NME7: variants seen among roughly 807,000 people sequenced by gnomAD.
NME7 encodes nucleoside diphosphate kinase 7.
A neutral mutation model predicts 49.1 loss-of-function variants in NME7; 41 were observed. The observed-to-expected ratio is 0.83, with a 90% confidence interval of 0.65 to 1.08. The LOEUF is 1.08. Among genes scored for constraint, NME7 ranks in the 50% least tolerant of loss-of-function variants. The pLI is 0.00. For synonymous variants in NME7, 139 were observed against 150.6 expected, an observed-to-expected ratio of 0.92 and a Z score of 0.56; for missense variants, 423 against 463.4, an observed-to-expected ratio of 0.91 and a Z score of 0.80.
At chr1:169,309,180 T>C (rs1295310236) in intron 4 of NME7, among the ~76,000 whole-genome samples, 1 of 152,234 alleles carries the variant, frequency 6.6e-6, no homozygotes, top group African/African-American at 2.4e-5. Flanking sequence ...TATTTATGCA[T>C]CTGATTACTT....
chr1:169,270,897 G>A (rs896521756), intron 7 of NME7, among the ~76,000 whole-genome samples: 2 of 134,064 alleles, frequency 1.5e-5, no homozygotes, highest in African/African-American at 5.0e-5. Context: ...TGATTTCAGA[G>A]TAAAAGTAAT....
chr1:169,291,590 GTGTA>G (rs1049902045), intron 6 of NME7, among the ~76,000 whole-genome samples: 1 of 151,674 alleles, frequency 6.6e-6, no homozygotes, highest in Non-Finnish European at 1.5e-5. Flanking sequence ...ACCATGGCAC[GTGTA>G]TACCTACATA....
chr1:169,349,042 G>A (rs764430161), intron 1 of NME7, among the ~76,000 whole-genome samples: 3 of 152,064 alleles, frequency 2.0e-5, no homozygotes, highest in Non-Finnish European at 4.4e-5. Context: ...GTTTCCTTAT[G>A]TGAAAAGAAT....
intron 11 of NME7, among the ~76,000 whole-genome samples, chr1:169,167,462 TTTC>T (rs1659450354): frequency 6.6e-6 from 1 of 152,136 alleles, no homozygotes; most frequent in South Asian, 2.1e-4. Context: ...AAATTTATTA[TTTC>T]TTTTTAAATT....
At chr1:169,227,399 A>T (rs1400458409) in intron 10 of NME7, among the ~76,000 whole-genome samples, 1 of 152,172 alleles carries the variant, frequency 6.6e-6, no homozygotes, top group Non-Finnish European at 1.5e-5. Flanking sequence ...CATTTGTCAC[A>T]TATCTTAGTC....
At chr1:169,168,873 T>C (rs1262126325) in intron 11 of NME7, 3 of 456,362 alleles carry the variant, frequency 6.6e-6, no homozygotes, top group Admixed American at 4.7e-5. Flanking sequence ...TTTTTTCAAA[T>C]TGTCACAAAT....
chr1:169,193,079 G>A (rs2101766182), intron 10 of NME7, among the ~76,000 whole-genome samples: 1 of 152,176 alleles, frequency 6.6e-6, no homozygotes, highest in Middle Eastern at 3.4e-3. Flanking sequence ...TGGGAGCTGA[G>A]GCAGGAGGAT....
At position 169,165,046 on chromosome 1, in the gene NME7, C is replaced by T. The variant is rs1219547936; in HGVS notation, c.1098+4401G>A. 2.0e-5 allele frequency among the ~76,000 whole-genome samples: 3 copies of T among 152,198 alleles called. No homozygotes were observed. In the East Asian group the frequency reaches 5.8e-4, roughly 29 times the overall value. ...AATTTAAGATCATTGTAGTTACAAC[C>T]AGCAGAGTATAAGAGAACATTAACA... On this transcript the variant is annotated intron_variant, in intron 11 of 11. Coordinates refer to ENST00000367811, the MANE Select transcript of NME7 (RefSeq NM_013330.5).
rs148665222 is a variant in NME7, at chr1:169,283,046, T to C, written c.754+4257A>G. ...GATCTGTCTAATATTGACACTGGGGTGTTAAATTCTCCCACTTTTATTGTG... is the reference window on the plus strand; with the variant it reads ...GATCTGTCTAATATTGACACTGGGGCGTTAAATTCTCCCACTTTTATTGTG... On this transcript the variant is annotated intron_variant, in intron 7 of 11. Coordinates refer to ENST00000367811, the MANE Select transcript of NME7 (RefSeq NM_013330.5). 1.1e-3 allele frequency among the ~76,000 whole-genome samples: 173 copies of C among 152,202 alleles called. 3 individuals carry two copies. In the East Asian group the frequency reaches 0.031, roughly 27 times the overall value.
intron 10 of NME7, among the ~76,000 whole-genome samples, chr1:169,197,400 A>ACTACTC (rs1660409702): frequency 7.5e-6 from 1 of 132,534 alleles, no homozygotes; most frequent in Non-Finnish European, 1.7e-5. Flanking sequence ...ATTAATTAAA[A>ACTACTC]ACTACTCTGT....
At chr1:169,255,371 G>C (rs1571331264) in intron 7 of NME7, among the ~76,000 whole-genome samples, 1 of 119,116 alleles carries the variant, frequency 8.4e-6, no homozygotes, top group East Asian at 2.7e-4. Flanking sequence ...TTTTATCAGA[G>C]ACTAGGATTG....
chr1:169,350,529 G>C (rs1170340650), intron 1 of NME7, among the ~76,000 whole-genome samples: 1 of 151,760 alleles, frequency 6.6e-6, no homozygotes, highest in Admixed American at 6.6e-5. Flanking sequence ...CTTGGCCCTG[G>C]ATGTTTCTCT....
At chr1:169,354,968 TATAATTATA>T (rs1653338221) in intron 1 of NME7, among the ~76,000 whole-genome samples, 1 of 30,176 alleles carries the variant, frequency 3.3e-5, no homozygotes, top group Admixed American at 7.0e-4. Context: ...TTATATATAA[TATAATTATA>T]TATGTTTATA....
intron 7 of NME7, among the ~76,000 whole-genome samples, chr1:169,252,247 G>C (rs1648663627): frequency 6.6e-6 from 1 of 151,446 alleles, no homozygotes; most frequent in Admixed American, 6.6e-5. Context: ...TTTAATGATT[G>C]CCATTCTAAC....
At chr1:169,256,671 T>TA (rs1458894179) in intron 7 of NME7, among the ~76,000 whole-genome samples, 1 of 120,414 alleles carries the variant, frequency 8.3e-6, no homozygotes, top group African/African-American at 2.7e-5. Flanking sequence ...TTTTCTGTTC[T>TA]GTTTTTTCCC....
intron 7 of NME7, chr1:169,247,018 G>A (rs890825364): frequency 2.2e-6 from 1 of 456,236 alleles, no homozygotes; most frequent in Non-Finnish European, 4.4e-6. Context: ...AGACCTATGG[G>A]AATGAAGATT....
At chr1:169,323,427 A>T in intron 2 of NME7, 144 bp from the exon 3 acceptor site, 1 of 616,482 alleles carries the variant, frequency 1.6e-6, no homozygotes, top group Non-Finnish European at 2.4e-6. Context: ...TACAAATATA[A>T]ATCATAATTT....
intron 1 of NME7, among the ~76,000 whole-genome samples, chr1:169,362,115 G>A (rs1653682794): frequency 6.6e-6 from 1 of 150,786 alleles, no homozygotes; most frequent in Non-Finnish European, 1.5e-5. Flanking sequence ...GGTGGAGGCA[G>A]GAGAATCGCT....
intron 1 of NME7, among the ~76,000 whole-genome samples, chr1:169,346,092 C>T (rs2101969240): frequency 6.6e-6 from 1 of 152,252 alleles, no homozygotes; most frequent in South Asian, 2.1e-4. Flanking sequence ...CTACTCCAAG[C>T]CACCATACTC....
Sources: allele counts gnomAD v4.1 joint callset (sites outside exome capture counted in the v4.1 genomes callset), GRCh38; gene constraint gnomAD v4.1.1; transcripts MANE v1.5; gene names NCBI Gene and HGNC (gene_info 2026-07-23, HGNC 2026-07-21).